The following AUTS2 variants were observed in gnomAD, a reference collection of about 807,000 sequenced individuals.
The protein encoded by AUTS2 is autism susceptibility gene 2 protein.
AUTS2 carries 17 observed loss-of-function variants against 112.4 expected under a neutral mutation model. That is an observed-to-expected ratio of 0.15 (90% CI 0.10 to 0.23). The LOEUF (loss-of-function observed/expected upper bound fraction) is 0.23. Among genes scored for constraint, AUTS2 ranks in the 10% least tolerant of loss-of-function variants. AUTS2 has a pLI of 1.00. For synonymous variants in AUTS2, 751 were observed against 702.7 expected, an observed-to-expected ratio of 1.07 and a Z score of -1.09; for missense variants, 1,510 against 1,701.6, an observed-to-expected ratio of 0.89 and a Z score of 1.98.
rs11464532 is a variant in AUTS2 at position 70,304,717 on chromosome 7, C to CTTTT, written c.661-131016_661-131013dup. On this transcript the variant is annotated intron_variant, in intron 4 of 18. Coordinates refer to ENST00000342771, the MANE Select transcript of AUTS2 (RefSeq NM_015570.4). ...GACCAGAAGTGTTTTGGATTTTTAA[C>CTTTT]TTTTTTTTTTTTTTTTTTTTTTGGA... Among the ~76,000 whole-genome samples, 368 of 101,294 alleles carry CTTTT rather than the reference C, an allele frequency of 3.6e-3. 10 individuals carry two copies. Among genetic ancestry groups the CTTTT allele is most frequent in the African/African-American group, 0.013 (332 of 26,188 alleles). The allele number at this position is 101,294 out of a possible 152,430, so 66.5% of individuals were successfully genotyped here.
At chr7:70,191,248 A>C (rs1809873442) in intron 4 of AUTS2, among the ~76,000 whole-genome samples, 1 of 147,694 alleles carries the variant, frequency 6.8e-6, no homozygotes, top group South Asian at 2.1e-4. Context: ...GCTCACTGCA[A>C]GCTCTGCCTC....
chr7:70,635,816 G>T (rs1281521400), intron 5 of AUTS2, among the ~76,000 whole-genome samples: 1 of 152,210 alleles, frequency 6.6e-6, no homozygotes, highest in African/African-American at 2.4e-5. Flanking sequence ...CCCCAAGATG[G>T]ACCCTAGGAG....
At chr7:69,603,542 G>C (rs947893254) in intron 1 of AUTS2, among the ~76,000 whole-genome samples, 1 of 152,156 alleles carries the variant, frequency 6.6e-6, no homozygotes, top group African/African-American at 2.4e-5. Flanking sequence ...AGTGAAACTG[G>C]CTGAAACAGT....
chr7:70,553,760 CTT>C (rs71531706), intron 5 of AUTS2, among the ~76,000 whole-genome samples: 423 of 56,094 alleles, frequency 7.5e-3, no homozygotes, highest in Non-Finnish European at 0.01. Flanking sequence ...GCCTTTCTTT[CTT>C]TTTTTTTTTT....
At chr7:69,667,034 G>A (rs1468691900) in intron 1 of AUTS2, among the ~76,000 whole-genome samples, 2 of 152,208 alleles carry the variant, frequency 1.3e-5, no homozygotes, top group African/African-American at 4.8e-5. Context: ...TGGAGGCTGA[G>A]AAATCCAAGG....
chr7:69,824,890 G>C (rs536399013), intron 1 of AUTS2, among the ~76,000 whole-genome samples: 1 of 152,154 alleles, frequency 6.6e-6, no homozygotes, highest in East Asian at 1.9e-4. Flanking sequence ...CGGAGATTGC[G>C]CAATAAGACT....
At chr7:70,359,103 T>C (rs1340509652) in intron 4 of AUTS2, among the ~76,000 whole-genome samples, 1 of 152,266 alleles carries the variant, frequency 6.6e-6, no homozygotes, top group Non-Finnish European at 1.5e-5. Context: ...GAAAGAACTA[T>C]GCAAGGGAAA....
intron 2 of AUTS2, among the ~76,000 whole-genome samples, chr7:70,083,499 A>G (rs1451656704): frequency 2.6e-5 from 4 of 152,234 alleles, no homozygotes; most frequent in Non-Finnish European, 5.9e-5. Context: ...TTCTTTGTAT[A>G]CAGTGATTTG....
At chr7:70,371,559 G>A (rs1043305878) in intron 4 of AUTS2, among the ~76,000 whole-genome samples, 2 of 152,078 alleles carry the variant, frequency 1.3e-5, no homozygotes, top group South Asian at 2.1e-4. Flanking sequence ...ATTAAACCCC[G>A]AATTTAAAAG....
chr7:70,605,138 TA>T (rs2067316), intron 5 of AUTS2, among the ~76,000 whole-genome samples: 19,858 of 152,178 alleles, frequency 0.13, 1,605 homozygotes, highest in Non-Finnish European at 0.17. Context: ...GAATTCAGTA[TA>T]ACATTTTCCA....
intron 2 of AUTS2, among the ~76,000 whole-genome samples, chr7:69,998,081 A>G (rs1264495913): frequency 2.0e-5 from 3 of 152,024 alleles, no homozygotes; most frequent in East Asian, 1.9e-4. Context: ...AATACACCCA[A>G]TTTCTCCTGC....
chr7:70,345,926 A>G (rs1208829154), intron 4 of AUTS2, among the ~76,000 whole-genome samples: 1 of 152,162 alleles, frequency 6.6e-6, no homozygotes, highest in Non-Finnish European at 1.5e-5. Context: ...TTGAGGTCCC[A>G]GTGTCCTGAA....
At chr7:69,786,005 T>A (rs946089171) in intron 1 of AUTS2, among the ~76,000 whole-genome samples, 3 of 152,148 alleles carry the variant, frequency 2.0e-5, no homozygotes, top group Non-Finnish European at 4.4e-5. Flanking sequence ...TAATTTTTTT[T>A]ATTTTTAGTA....
intron 5 of AUTS2, among the ~76,000 whole-genome samples, chr7:70,527,262 G>T (rs1375597508): frequency 6.6e-6 from 1 of 152,176 alleles, no homozygotes; most frequent in Non-Finnish European, 1.5e-5. Flanking sequence ...TGAAGTTTCT[G>T]CTCATTGGTG....
chr7:70,416,414 A>G (rs1169131540), intron 4 of AUTS2, among the ~76,000 whole-genome samples: 1 of 152,206 alleles, frequency 6.6e-6, no homozygotes. Context: ...CACTCAGCCT[A>G]TTTTGGTGAG....
intron 1 of AUTS2, among the ~76,000 whole-genome samples, chr7:69,746,557 T>C (rs1234742531): frequency 6.6e-6 from 1 of 152,148 alleles, no homozygotes; most frequent in Non-Finnish European, 1.5e-5. Context: ...TGCGCAACTC[T>C]TCTTAGGAGA....
In AUTS2 at chr7:70,733,331, A is replaced by G. The variant is rs376058114; in HGVS notation, c.743-29539A>G. On this transcript the variant is annotated intron_variant, in intron 6 of 18. Coordinates refer to ENST00000342771, the MANE Select transcript of AUTS2 (RefSeq NM_015570.4). ...TCACTCAGAGTCATGGAATAGTTCT[A>G]TTGCATAAACAGAGCATTTTATGGA... Among the ~76,000 whole-genome samples, 47 of 152,334 alleles carry G rather than the reference A, an allele frequency of 3.1e-4. 1 individual carries two copies. Among genetic ancestry groups the G allele is most frequent in the African/African-American group, 1.1e-3 (44 of 41,582 alleles).
chr7:70,577,092 A>C (rs1408538021), intron 5 of AUTS2, among the ~76,000 whole-genome samples: 1 of 152,224 alleles, frequency 6.6e-6, no homozygotes, highest in Non-Finnish European at 1.5e-5. Flanking sequence ...GAGTAGAAAA[A>C]AATATTATTT....
At chr7:70,309,174 T>C (rs569808999) in intron 4 of AUTS2, among the ~76,000 whole-genome samples, 1 of 152,354 alleles carries the variant, frequency 6.6e-6, no homozygotes, top group South Asian at 2.1e-4. Context: ...TCAGTTCCTG[T>C]CTGTAGCTAT....
Sources: allele counts gnomAD v4.1 joint callset (sites outside exome capture counted in the v4.1 genomes callset), GRCh38; gene constraint gnomAD v4.1.1; transcripts MANE v1.5; gene names NCBI Gene and HGNC (gene_info 2026-07-23, HGNC 2026-07-21).